LRP1B: variants seen among roughly 807,000 people sequenced by gnomAD.
The protein encoded by LRP1B is LDL receptor related protein 1B.
LRP1B carries 217 observed loss-of-function variants against 556.6 expected under a neutral mutation model. That is an observed-to-expected ratio of 0.39 (90% CI 0.35 to 0.44). The LOEUF (loss-of-function observed/expected upper bound fraction) is 0.44. Ranked by LOEUF, LRP1B falls within the 20% of genes least tolerant of loss-of-function variation. LRP1B has a pLI of 1.00. For missense variants in LRP1B, 5,053 were observed against 5,620.8 expected (o/e 0.90, Z 3.23); for synonymous variants, 2,047 against 1,865.8 (o/e 1.10, Z -2.50).
chr2:140,423,376 A>C (rs1004969236), intron 66 of LRP1B, among the ~76,000 whole-genome samples: 4 of 152,146 alleles, frequency 2.6e-5, no homozygotes, highest in African/African-American at 9.7e-5. Flanking sequence ...GCTTTTTTTT[A>C]ATTAAAAATT....
At chr2:141,816,685 C>A (rs934459406) in intron 1 of LRP1B, among the ~76,000 whole-genome samples, 2 of 152,086 alleles carry the variant, frequency 1.3e-5, no homozygotes, top group Non-Finnish European at 2.9e-5. Context: ...ATACATGTAT[C>A]CTACTAGTTC....
chr2:142,027,844 C>G (rs188566504), intron 1 of LRP1B, among the ~76,000 whole-genome samples: 247 of 151,974 alleles, frequency 1.6e-3, no homozygotes, highest in African/African-American at 5.7e-3. Context: ...CATTCAAAAT[C>G]TGTAGCATTG....
intron 3 of LRP1B, among the ~76,000 whole-genome samples, chr2:141,378,051 T>G (rs1689502659): frequency 6.6e-6 from 1 of 152,220 alleles, no homozygotes; most frequent in African/African-American, 2.4e-5. Flanking sequence ...CTTTTGACTT[T>G]TATGCTGAAA....
At chr2:141,556,384 C>T (rs1248455498) in intron 2 of LRP1B, among the ~76,000 whole-genome samples, 1 of 151,888 alleles carries the variant, frequency 6.6e-6, no homozygotes, top group Non-Finnish European at 1.5e-5. Context: ...AACAGAGCTT[C>T]CACTGTTAGT....
chr2:141,507,346 A>G (rs376384645), intron 2 of LRP1B, among the ~76,000 whole-genome samples: 2 of 152,172 alleles, frequency 1.3e-5, no homozygotes, highest in South Asian at 2.1e-4. Context: ...ACCAAAAATT[A>G]ATGTATGCTA....
At chr2:140,463,799 G>A (rs1687420796) in intron 60 of LRP1B, among the ~76,000 whole-genome samples, 1 of 152,142 alleles carries the variant, frequency 6.6e-6, no homozygotes, top group Non-Finnish European at 1.5e-5. Flanking sequence ...CTTTTGAAGA[G>A]TGATATTGAT....
At chr2:140,422,766 C>T (rs532692852) in intron 66 of LRP1B, among the ~76,000 whole-genome samples, 3 of 152,074 alleles carry the variant, frequency 2.0e-5, no homozygotes, top group East Asian at 1.9e-4. Context: ...TTGTTTAGAT[C>T]GGGGATGATA....
rs953339459 is a variant in LRP1B, at chr2:141,983,018, A to G, written c.82+147630T>C. On this transcript the variant is annotated intron_variant, in intron 1 of 90. Transcript: ENST00000389484. ...TAGCCAGTTTGAAGAGAAAAAATAT[A>G]AAAACACTAAATAGTGTTCTAGAAC... Among the ~76,000 whole-genome samples the G allele has an allele frequency of 3.9e-5, 6 of 152,314 alleles. No homozygotes were observed. In the East Asian group the frequency reaches 7.7e-4, roughly 20 times the overall value.
At chr2:141,398,706 T>C (rs1015956281) in intron 3 of LRP1B, among the ~76,000 whole-genome samples, 1 of 152,188 alleles carries the variant, frequency 6.6e-6, no homozygotes, top group African/African-American at 2.4e-5. Context: ...TTAACTGCCA[T>C]AATGTTTTCC....
intron 1 of LRP1B, among the ~76,000 whole-genome samples, chr2:141,917,406 T>C (rs989642581): frequency 6.6e-6 from 1 of 152,220 alleles, no homozygotes; most frequent in African/African-American, 2.4e-5. Context: ...TCAATATGTA[T>C]ACCCACATTG....
At chr2:141,079,862 G>A (rs899510859) in intron 7 of LRP1B, among the ~76,000 whole-genome samples, 4 of 152,144 alleles carry the variant, frequency 2.6e-5, no homozygotes, top group African/African-American at 4.8e-5. Flanking sequence ...TTTGAATCCA[G>A]CATTAGATTC....
intron 2 of LRP1B, among the ~76,000 whole-genome samples, chr2:141,622,461 T>C (rs1326925387): frequency 6.6e-6 from 1 of 152,212 alleles, no homozygotes; most frequent in Non-Finnish European, 1.5e-5. Context: ...TTGTTAGAAC[T>C]TGCACATCAG....
At chr2:140,765,938 C>T (rs950886207) in intron 35 of LRP1B, among the ~76,000 whole-genome samples, 1 of 151,956 alleles carries the variant, frequency 6.6e-6, no homozygotes, top group Non-Finnish European at 1.5e-5. Context: ...GGGTGCAGCA[C>T]ACCAACATGG....
intron 1 of LRP1B, among the ~76,000 whole-genome samples, chr2:142,049,022 A>G (rs886598927): frequency 1.3e-5 from 2 of 152,100 alleles, no homozygotes; most frequent in African/African-American, 2.4e-5. Flanking sequence ...AAAGCATTGG[A>G]CAATTTTAAC....
At chr2:141,603,852 A>G (rs1687831302) in intron 2 of LRP1B, among the ~76,000 whole-genome samples, 2 of 152,194 alleles carry the variant, frequency 1.3e-5, no homozygotes, top group South Asian at 4.1e-4. Flanking sequence ...TGAGGATACT[A>G]CTATAATTAA....
intron 3 of LRP1B, among the ~76,000 whole-genome samples, chr2:141,448,269 C>A (rs980930074): frequency 8.5e-5 from 13 of 152,292 alleles, no homozygotes; most frequent in Middle Eastern, 3.4e-3. Context: ...CCTCCCCCAA[C>A]CAAGCTCAAG....
chr2:141,266,323 CAAA>C (rs34877238), intron 3 of LRP1B, among the ~76,000 whole-genome samples: 8 of 73,276 alleles, frequency 1.1e-4, no homozygotes, highest in Non-Finnish European at 1.6e-4. Flanking sequence ...GACTCTGTTT[CAAA>C]AAAAAAAAAA....
At chr2:142,080,718 T>C (rs1705680155) in intron 1 of LRP1B, among the ~76,000 whole-genome samples, 1 of 152,134 alleles carries the variant, frequency 6.6e-6, no homozygotes, top group Admixed American at 6.6e-5. Context: ...TGTTCAGAAT[T>C]CTATATTTTT....
chr2:140,685,511 C>T (rs1356870689), intron 41 of LRP1B, among the ~76,000 whole-genome samples: 1 of 152,150 alleles, frequency 6.6e-6, no homozygotes, highest in Non-Finnish European at 1.5e-5. Context: ...AGAAGACAGG[C>T]TGGGTTCAAT....
Sources: gnomAD v4.1 joint callset for allele counts (sites outside exome capture counted in the v4.1 genomes callset) on GRCh38, gnomAD v4.1.1 for gene constraint, MANE v1.5 for transcripts, NCBI Gene and HGNC (gene_info 2026-07-23, HGNC 2026-07-21) for gene names.